The following CDH13 variants were observed in gnomAD, a reference collection of about 807,000 sequenced individuals.
CDH13 encodes cadherin 13.
CDH13 carries 24 observed loss-of-function variants against 63.8 expected under a neutral mutation model. The ratio of observed to expected loss-of-function variants is 0.38; its 90% CI spans 0.27 to 0.53. The LOEUF (loss-of-function observed/expected upper bound fraction) is 0.53. Among genes scored for constraint, CDH13 ranks in the 20% least tolerant of loss-of-function variants. The pLI, the probability that CDH13 is intolerant of heterozygous loss-of-function variation, is 0.85. For synonymous variants in CDH13, 503 were observed against 355.3 expected, an observed-to-expected ratio of 1.42 and a Z score of -4.67; for missense variants, 1,049 against 903.1, an observed-to-expected ratio of 1.16 and a Z score of -2.07.
chr16:83,598,125 G>C (rs1046364091), intron 7 of CDH13, among the ~76,000 whole-genome samples: 7 of 152,124 alleles, frequency 4.6e-5, no homozygotes, highest in Admixed American at 4.6e-4. Context: ...CAGCACTTTG[G>C]GAGGCCAAGG....
chr16:83,116,596 C>G (rs932737313), intron 3 of CDH13, among the ~76,000 whole-genome samples: 1 of 152,158 alleles, frequency 6.6e-6, no homozygotes, highest in Admixed American at 6.5e-5. Flanking sequence ...CCAGAAAAGA[C>G]AAACATATAC....
intron 4 of CDH13, among the ~76,000 whole-genome samples, chr16:83,161,001 G>A (rs996213559): frequency 4.6e-5 from 7 of 152,136 alleles, no homozygotes; most frequent in African/African-American, 7.2e-5. Flanking sequence ...TCTTGAGATC[G>A]CTGCCATTGC....
At chr16:82,697,707 C>T (rs982421968) in intron 1 of CDH13, among the ~76,000 whole-genome samples, 10 of 151,262 alleles carry the variant, frequency 6.6e-5, no homozygotes, top group African/African-American at 2.4e-4. Context: ...GGATTACAGG[C>T]GTGAGCCACC....
chr16:83,697,606 G>C (rs1259330551), intron 10 of CDH13, among the ~76,000 whole-genome samples: 2 of 151,984 alleles, frequency 1.3e-5, no homozygotes, highest in Non-Finnish European at 2.9e-5. Context: ...TGACAAAAAT[G>C]TTGTGACCAG....
intron 3 of CDH13, among the ~76,000 whole-genome samples, chr16:83,062,682 G>A (rs962590159): frequency 3.3e-5 from 5 of 152,202 alleles, no homozygotes; most frequent in Non-Finnish European, 5.9e-5. Context: ...GTTTCAGTTA[G>A]CTATGGCTGT....
chr16:82,651,749 C>A (rs533233862), intron 1 of CDH13, among the ~76,000 whole-genome samples: 1 of 152,214 alleles, frequency 6.6e-6, no homozygotes, highest in East Asian at 1.9e-4. Flanking sequence ...TCCAGGTTTT[C>A]CCTGCTATAA....
intron 6 of CDH13, among the ~76,000 whole-genome samples, chr16:83,477,942 G>A (rs2073648509): frequency 1.3e-5 from 2 of 152,108 alleles, no homozygotes; most frequent in Non-Finnish European, 2.9e-5. Flanking sequence ...AGCACTTTGG[G>A]AGGCCGAGTC....
At chr16:83,422,567 C>G (rs1412482932) in intron 6 of CDH13, among the ~76,000 whole-genome samples, 1 of 152,156 alleles carries the variant, frequency 6.6e-6, no homozygotes, top group Non-Finnish European at 1.5e-5. Context: ...AAAGCTCTTT[C>G]TGGTGTCTGG....
intron 4 of CDH13, among the ~76,000 whole-genome samples, chr16:83,189,518 C>T (rs1404075453): frequency 1.3e-5 from 2 of 152,184 alleles, no homozygotes; most frequent in Admixed American, 6.5e-5. Flanking sequence ...GACAGATACA[C>T]GTTCACATGG....
intron 1 of CDH13, among the ~76,000 whole-genome samples, chr16:82,821,601 A>C (rs2038002574): frequency 6.6e-6 from 1 of 152,354 alleles, no homozygotes; most frequent in Non-Finnish European, 1.5e-5. Flanking sequence ...GCTGACTACA[A>C]GGGAAGAAAG....
At chr16:83,115,211 G>A (rs754357740) in intron 3 of CDH13, among the ~76,000 whole-genome samples, 3 of 152,214 alleles carry the variant, frequency 2.0e-5, no homozygotes, top group Non-Finnish European at 2.9e-5. Flanking sequence ...AGAGGCCAAA[G>A]AGCTGAATGA....
chr16:83,344,734 A>T, intron 5 of CDH13, 128 bp from the exon 6 acceptor site: 3 of 948,746 alleles, frequency 3.2e-6, no homozygotes, highest in Non-Finnish European at 3.1e-6. Flanking sequence ...ATCCTCTGAG[A>T]CCAAAATTTC....
At chr16:82,966,846 C>T (rs762949967) in intron 2 of CDH13, among the ~76,000 whole-genome samples, 2 of 152,134 alleles carry the variant, frequency 1.3e-5, no homozygotes, top group Non-Finnish European at 2.9e-5. Context: ...TTTTCTCTCT[C>T]ATAGAATCAC....
At chr16:83,045,634 T>TAAAAAAAAAAAAAAAAAAAAAAA (rs71382861) in intron 3 of CDH13, among the ~76,000 whole-genome samples, 8 of 107,912 alleles carry the variant, frequency 7.4e-5, no homozygotes, top group African/African-American at 3.0e-4. Flanking sequence ...AAGATTCCTT[T>TAAAAAAAAAAAAAAAAAAAAAAA]AAAAAAAAAA....
At chr16:83,250,521 G>C (rs937622689) in intron 5 of CDH13, among the ~76,000 whole-genome samples, 1 of 152,204 alleles carries the variant, frequency 6.6e-6, no homozygotes, top group Non-Finnish European at 1.5e-5. Flanking sequence ...AGGTGTTTGA[G>C]CAGAGAAGCG....
chr16:83,520,047 T>C (rs2074793121), intron 7 of CDH13, among the ~76,000 whole-genome samples: 1 of 152,166 alleles, frequency 6.6e-6, no homozygotes, highest in African/African-American at 2.4e-5. Context: ...ATGTTCACCA[T>C]TGCTAAAACT....
intron 4 of CDH13, among the ~76,000 whole-genome samples, chr16:83,180,510 G>A (rs1471888565): frequency 6.6e-6 from 1 of 152,182 alleles, no homozygotes; most frequent in Non-Finnish European, 1.5e-5. Flanking sequence ...TTTGGTGGTA[G>A]CTAACTGAAA....
intron 10 of CDH13, among the ~76,000 whole-genome samples, chr16:83,701,882 C>T (rs569246817): frequency 1.3e-5 from 2 of 152,208 alleles, no homozygotes; most frequent in Non-Finnish European, 2.9e-5. Flanking sequence ...TATTTGCTGG[C>T]AGCAGAGTAA....
At chr16:82,656,188 G>T (rs1461959429) in intron 1 of CDH13, among the ~76,000 whole-genome samples, 1 of 152,136 alleles carries the variant, frequency 6.6e-6, no homozygotes, top group Non-Finnish European at 1.5e-5. Context: ...CTGGCAGTGT[G>T]GGAGTGGGGG....
Sources: allele counts gnomAD v4.1 joint callset (sites outside exome capture counted in the v4.1 genomes callset), GRCh38; gene constraint gnomAD v4.1.1; transcripts MANE v1.5; gene names NCBI Gene and HGNC (gene_info 2026-07-23, HGNC 2026-07-21).